Variants in TULP3 observed in about 807,000 individuals in gnomAD.
TULP3 encodes the protein tubby-related protein 3.
Under a neutral mutation model 50.7 loss-of-function variants are expected in TULP3, and 38 were observed. The observed-to-expected ratio is 0.75, with a 90% confidence interval of 0.58 to 0.98. The LOEUF (loss-of-function observed/expected upper bound fraction) is 0.98. Ranked by LOEUF, TULP3 falls within the 50% of genes least tolerant of loss-of-function variation. The probability of loss-of-function intolerance (pLI) is 0.00; values close to 1 mark genes in which losing one functional copy is unlikely to be tolerated. For synonymous variants in TULP3, 183 were observed against 196.6 expected (o/e 0.93, Z 0.58); for missense variants, 550 against 568.0 (o/e 0.97, Z 0.32).
At chr12:2,896,648 C>T (rs575974248) in intron 1 of TULP3, among the ~76,000 whole-genome samples, 1 of 152,212 alleles carries the variant, frequency 6.6e-6, no homozygotes, top group African/African-American at 2.4e-5. Context: ...AAATATGCTC[C>T]TGGAAAAATA....
At chr12:2,905,815 A>T (rs2098181870) in intron 1 of TULP3, among the ~76,000 whole-genome samples, 1 of 151,832 alleles carries the variant, frequency 6.6e-6, no homozygotes, top group Non-Finnish European at 1.5e-5. Context: ...GCCAGAACTT[A>T]GCATTTTTGA....
intron 1 of TULP3, among the ~76,000 whole-genome samples, chr12:2,901,590 C>T (rs1002720308): frequency 1.3e-5 from 2 of 151,884 alleles, no homozygotes; most frequent in Non-Finnish European, 2.9e-5. Flanking sequence ...ACCATGTTGG[C>T]CAGGCTGGTC....
chr12:2,910,674 CTCT>C (rs926685572), intron 2 of TULP3, among the ~76,000 whole-genome samples: 33 of 152,262 alleles, frequency 2.2e-4, no homozygotes, highest in Middle Eastern at 3.4e-3. Flanking sequence ...GTTTTGTCTT[CTCT>C]TCTTTATGTG....
At chr12:2,934,623 C>A in intron 8 of TULP3, 62 bp downstream of exon 8, 2 of 1,089,354 alleles carry the variant, frequency 1.8e-6, no homozygotes, top group Non-Finnish European at 1.3e-6. Context: ...CACTTTTCAC[C>A]TAGTGTCGCT....
At chr12:2,913,759 C>A (rs531261403) in intron 2 of TULP3, among the ~76,000 whole-genome samples, 5 of 151,294 alleles carry the variant, frequency 3.3e-5, no homozygotes, top group African/African-American at 2.4e-5. Context: ...TACAGGCGTG[C>A]GCCACCACAC....
At chr12:2,895,037 A>G (rs1246325965) in intron 1 of TULP3, among the ~76,000 whole-genome samples, 8 of 152,250 alleles carry the variant, frequency 5.3e-5, no homozygotes, top group South Asian at 2.1e-4. Flanking sequence ...GTTTGAATCT[A>G]CAAGTAATAA....
chr12:2,914,552 T>A (rs1263633989), intron 2 of TULP3, among the ~76,000 whole-genome samples: 1 of 152,256 alleles, frequency 6.6e-6, no homozygotes, highest in African/African-American at 2.4e-5. Context: ...TTCATTCAGA[T>A]ATTCAGCTTT....
chr12:2,940,857 C>G lies in TULP3; in HGVS notation c.*1413C>G. ...CAAGTGCCTCCCTCACAGCCATGCC[C>G]AGAAGCCTCACACCTCGTCACCACC... On this transcript the variant is annotated 3_prime_UTR_variant, in exon 11 of 11. Transcript: ENST00000448120. The G allele has an allele frequency of 3.7e-6, 3 of 816,254 alleles. No homozygotes were observed. The highest frequency in any genetic ancestry group is 5.7e-6 in the Non-Finnish European group (3 of 530,144). 50.6% of individuals were successfully genotyped at this position (816,254 alleles called of 1,614,324 possible). A position where few individuals can be genotyped will look rare whatever the true frequency, so the allele number is the denominator to read the frequency against.
chr12:2,925,534 T>C (rs1386457375), intron 4 of TULP3, among the ~76,000 whole-genome samples: 1 of 152,134 alleles, frequency 6.6e-6, no homozygotes, highest in African/African-American at 2.4e-5. Context: ...ACATTGTGAG[T>C]GTCCATCATG....
chr12:2,927,728 G>A (rs1023928889), intron 4 of TULP3, among the ~76,000 whole-genome samples: 1 of 152,042 alleles, frequency 6.6e-6, no homozygotes, highest in Non-Finnish European at 1.5e-5. Flanking sequence ...ATCTATGTAT[G>A]TACCGTATAA....
At chr12:2,908,808 AG>A (rs1192543644) in intron 1 of TULP3, among the ~76,000 whole-genome samples, 1 of 151,990 alleles carries the variant, frequency 6.6e-6, no homozygotes, top group Non-Finnish European at 1.5e-5. Context: ...TCCTTCTTCA[AG>A]CAAATCTGTC....
chr12:2,935,794 C>A (rs182551483), intron 8 of TULP3, among the ~76,000 whole-genome samples: 9 of 151,212 alleles, frequency 6.0e-5, no homozygotes, highest in African/African-American at 2.2e-4. Flanking sequence ...CATGGTGAAA[C>A]CCCATCTCTA....
intron 9 of TULP3, 129 bp downstream of exon 9, chr12:2,937,858 T>G (rs1356002583): frequency 1.1e-6 from 1 of 907,600 alleles, no homozygotes; most frequent in Non-Finnish European, 1.6e-6. Flanking sequence ...CTCCATACAC[T>G]TCTTTAGGAA....
chr12:2,939,608 C>A lies in TULP3; in HGVS notation c.*164C>A. Reference sequence around the variant, plus strand: ...ACACACAAAGAGCAATAGTTTGCCCCTTTTGGAACGACCCCTGAATATATA... The same window carrying A: ...ACACACAAAGAGCAATAGTTTGCCCATTTTGGAACGACCCCTGAATATATA... On this transcript the variant is annotated 3_prime_UTR_variant, in exon 11 of 11. Transcript: ENST00000448120. This position sits in a 1 kb window ranked among gnomAD's most constrained non-coding sequence, Gnocchi z 4.0. The A allele has an allele frequency of 8.2e-7, 1 of 1,217,980 alleles. No individual in the cohort carries two copies. Among genetic ancestry groups the A allele is most frequent in the East Asian group, 2.6e-5 (1 of 38,242 alleles). The allele number at this position is 1,217,980 out of a possible 1,614,324, so 75.4% of individuals were successfully genotyped here.
chr12:2,936,750 CA>C (rs1176861857), intron 8 of TULP3, among the ~76,000 whole-genome samples: 14 of 144,310 alleles, frequency 9.7e-5, no homozygotes, highest in East Asian at 2.0e-4. Context: ...ACTCTGGTCC[CA>C]AAAAAAAAAT....
At position 2,939,414 on chromosome 12, in the gene TULP3, T is replaced by C. The variant is rs768759589; in HGVS notation, c.1299T>C (p.Ser433=). Residue 433 remains serine (S), a synonymous_variant, in exon 11 of 11, where the codon TCT becomes TCC. Coordinates refer to ENST00000448120, the MANE Select transcript of TULP3 (RefSeq NM_003324.5). This position sits in a 1 kb window ranked among gnomAD's most constrained non-coding sequence, Gnocchi z 4.0. ...TACAGGCCTTTGGCATCGGTCTTTC[T>C]AGCTTTGACAGTAAGCTGGCGTGTG... is the stretch of plus-strand genomic sequence containing the variant. The part of the protein sequence containing the change: ...CAVQAFGIGL[S]SFDSKLACE 2.4e-5 allele frequency: 39 copies of C among 1,614,092 alleles called. No individual in the cohort carries two copies. The highest frequency in any genetic ancestry group is 3.3e-5 in the Non-Finnish European group (39 of 1,180,044).
chr12:2,910,261 G>A (rs558766317), intron 2 of TULP3, among the ~76,000 whole-genome samples: 11 of 147,406 alleles, frequency 7.5e-5, no homozygotes, highest in Non-Finnish European at 1.3e-4. Flanking sequence ...AGTGAGCAGA[G>A]CAAGACTCCG....
rs1427270142 is a variant in TULP3 at position 2,900,849 on chromosome 12, A to G, written c.42-8680A>G. 3.3e-5 allele frequency among the ~76,000 whole-genome samples: 5 copies of G among 149,894 alleles called. No homozygotes were observed. The Admixed American group carries it at 3.3e-4, about 10-fold the overall frequency. ...CTCAGCCTCCCAAGTAGCTGGAACTATAGGCATGCGCAACCAAGCCGAAAT... is the reference window on the plus strand; with the variant it reads ...CTCAGCCTCCCAAGTAGCTGGAACTGTAGGCATGCGCAACCAAGCCGAAAT... On this transcript the variant is annotated intron_variant, in intron 1 of 10. Coordinates refer to ENST00000448120, the MANE Select transcript of TULP3 (RefSeq NM_003324.5).
At chr12:2,901,839 A>T (rs2098179498) in intron 1 of TULP3, among the ~76,000 whole-genome samples, 1 of 152,114 alleles carries the variant, frequency 6.6e-6, no homozygotes, top group East Asian at 1.9e-4. Flanking sequence ...AAAGTTTTTC[A>T]TTTTGATGAA....
Sources: gnomAD v4.1 joint callset for allele counts (sites outside exome capture counted in the v4.1 genomes callset) on GRCh38, gnomAD v4.1.1 for gene constraint, Gnocchi (gnomAD v3.1) non-coding constraint, MANE v1.5 for transcripts, NCBI Gene and HGNC (gene_info 2026-07-23, HGNC 2026-07-21) for gene names.